The following SMAD2 variants were observed in gnomAD, a reference collection of about 807,000 sequenced individuals.
SMAD2 encodes the protein SMAD family member 2, also known as MAD homolog 2.
A neutral mutation model predicts 64.4 loss-of-function variants in SMAD2; 8 were observed. The ratio of observed to expected loss-of-function variants is 0.12; its 90% CI spans 0.07 to 0.22. The LOEUF (loss-of-function observed/expected upper bound fraction) is 0.22. SMAD2 is among the 10% of genes least tolerant of loss of function. SMAD2 has a pLI of 1.00. For synonymous variants in SMAD2, 203 were observed against 195.8 expected (o/e 1.04, Z -0.31); for missense variants, 289 against 561.2 (o/e 0.51, Z 4.90).
chr18:47,866,393 T>G (rs960167582), intron 5 of SMAD2, among the ~76,000 whole-genome samples: 1 of 147,262 alleles, frequency 6.8e-6, no homozygotes, highest in Non-Finnish European at 1.5e-5. Context: ...TTTTACAATA[T>G]CTATTCAATA....
chr18:47,877,813 A>G (rs1240022630), intron 2 of SMAD2, among the ~76,000 whole-genome samples: 1 of 152,166 alleles, frequency 6.6e-6, no homozygotes, highest in Non-Finnish European at 1.5e-5. Context: ...AATTTGAGAT[A>G]TTCCTGAATA....
intron 1 of SMAD2, among the ~76,000 whole-genome samples, chr18:47,913,172 C>T (rs2034207710): frequency 3.9e-5 from 6 of 152,172 alleles, no homozygotes; most frequent in Admixed American, 2.6e-4. Flanking sequence ...CCATCCGCCT[C>T]GGCCTCCCAA....
intron 1 of SMAD2, among the ~76,000 whole-genome samples, chr18:47,915,698 G>A (rs775262324): frequency 5.3e-5 from 8 of 152,142 alleles, no homozygotes; most frequent in Non-Finnish European, 7.4e-5. Flanking sequence ...GTCGCGAACC[G>A]TGAGTGGGCA....
intron 9 of SMAD2, 65 bp from the exon 10 acceptor site, chr18:47,845,549 G>T (rs1914412961): frequency 1.3e-6 from 2 of 1,579,628 alleles, no homozygotes; most frequent in African/African-American, 2.7e-5. Flanking sequence ...AATTTTAAAA[G>T]GGTTACAAGT....
intron 1 of SMAD2, among the ~76,000 whole-genome samples, chr18:47,915,823 C>T (rs907654982): frequency 1.3e-4 from 20 of 152,298 alleles, no homozygotes; most frequent in Admixed American, 2.0e-4. Flanking sequence ...AATCCACCTT[C>T]CCCCGTCAGG....
intron 2 of SMAD2, among the ~76,000 whole-genome samples, chr18:47,885,895 G>C (rs985166703): frequency 2.6e-5 from 4 of 152,246 alleles, no homozygotes; most frequent in Non-Finnish European, 5.9e-5. Flanking sequence ...CCAGGAAGCA[G>C]AGGTTGCAGT....
chr18:47,832,125 A>C lies in SMAD2; in HGVS notation c.*9702T>G, dbSNP rs529509378. The C allele has an allele frequency of 6.6e-6, 1 of 152,350 alleles. No homozygotes were observed. The highest frequency in any genetic ancestry group is 1.9e-4 in the East Asian group (1 of 5,192). 9.4% of individuals were successfully genotyped at this position (152,350 alleles called of 1,614,324 possible). A position where few individuals can be genotyped will look rare whatever the true frequency, so the allele number is the denominator to read the frequency against. On this transcript the variant is annotated 3_prime_UTR_variant, in exon 11 of 11. Transcript: ENST00000262160. ...TGAAGAGGGAAAAACAGAATATGCC[A>C]AGTGGGGAGACAGCCCAAACATAGA...
Position 47,829,953 on chromosome 18 carries a change from G to C in SMAD2, c.*11874C>G, listed in dbSNP as rs1402447496. ...AATTTGAATTTCCCTTTGCCTACAA[G>C]TCTAAGTAACTTGCAGCAGCAAATT... On this transcript the variant is annotated 3_prime_UTR_variant, in exon 11 of 11. Coordinates refer to ENST00000262160, the MANE Select transcript of SMAD2 (RefSeq NM_005901.6). 5.3e-5 allele frequency: 8 copies of C among 152,168 alleles called. No individual in the cohort carries two copies. In the South Asian group the frequency reaches 6.2e-4, roughly 12 times the overall value. The allele number at this position is 152,168 out of a possible 1,614,324, so 9.4% of individuals were successfully genotyped here. A position where few individuals can be genotyped will look rare whatever the true frequency, so the allele number is the denominator to read the frequency against.
At chr18:47,908,343 G>A (rs1278140694) in intron 1 of SMAD2, among the ~76,000 whole-genome samples, 2 of 152,034 alleles carry the variant, frequency 1.3e-5, no homozygotes, top group Non-Finnish European at 2.9e-5. Context: ...ATTGACCCGT[G>A]GACAACATGG....
chr18:47,852,394 T>C (rs1027566800), intron 6 of SMAD2, among the ~76,000 whole-genome samples: 7 of 152,186 alleles, frequency 4.6e-5, no homozygotes, highest in Non-Finnish European at 8.8e-5. Flanking sequence ...GTTTCTACCA[T>C]TTTCCCATTA....
intron 2 of SMAD2, among the ~76,000 whole-genome samples, chr18:47,879,590 C>G (rs1209026485): frequency 4.7e-5 from 7 of 149,736 alleles, no homozygotes; most frequent in African/African-American, 1.5e-4. Flanking sequence ...CTGATAGACA[C>G]CTGACCTGTT....
At chr18:47,845,511 T>C (rs2144288562) in intron 9 of SMAD2, 27 bp from the exon 10 acceptor site, 6 of 1,607,962 alleles carry the variant, frequency 3.7e-6, no homozygotes, top group Non-Finnish European at 5.1e-6. Flanking sequence ...TAAAAGAAAT[T>C]GTCAAAAGAG....
rs372259400 is a variant in SMAD2, at chr18:47,843,465, G to A, written c.1281-1515C>T. On this transcript the variant is annotated intron_variant, in intron 10 of 10. Coordinates refer to ENST00000262160, the MANE Select transcript of SMAD2 (RefSeq NM_005901.6). ...AGTAGGTTTAAGAAGGCTGCCACTC[G>A]ATTAAATACAAATTCTTCATACATC... Among the ~76,000 whole-genome samples, 183 of 152,234 alleles carry A rather than the reference G, an allele frequency of 1.2e-3. 1 individual carries two copies. The highest frequency in any genetic ancestry group is 4.1e-3 in the African/African-American group (171 of 41,542).
At chr18:47,860,041 G>A (rs1338157427) in intron 6 of SMAD2, among the ~76,000 whole-genome samples, 1 of 152,014 alleles carries the variant, frequency 6.6e-6, no homozygotes, top group Non-Finnish European at 1.5e-5. Flanking sequence ...AGGCTAAAGT[G>A]GGGAAGATTG....
intron 1 of SMAD2, among the ~76,000 whole-genome samples, chr18:47,904,641 T>C (rs1175976483): frequency 6.6e-6 from 1 of 152,052 alleles, no homozygotes; most frequent in African/African-American, 2.4e-5. Context: ...AACAAAATAT[T>C]AGCAAATCAC....
intron 10 of SMAD2, 36 bp downstream of exon 10, chr18:47,845,304 C>T (rs2144286845): frequency 1.9e-6 from 3 of 1,586,410 alleles, no homozygotes; most frequent in African/African-American, 1.3e-5. Context: ...CATAATTACA[C>T]TGTGGAAATT....
chr18:47,853,075 T>A (rs918723752), intron 6 of SMAD2, among the ~76,000 whole-genome samples: 1 of 152,152 alleles, frequency 6.6e-6, no homozygotes, highest in Non-Finnish European at 1.5e-5. Flanking sequence ...CTCATGCCTG[T>A]AATCCCAGCA....
chr18:47,913,089 T>G (rs183132278), intron 1 of SMAD2, among the ~76,000 whole-genome samples: 19 of 152,182 alleles, frequency 1.2e-4, no homozygotes, highest in African/African-American at 4.6e-4. Flanking sequence ...TCGGCTAATT[T>G]TTTGTGTTTT....
At chr18:47,847,700 CA>C (rs58794971) in intron 8 of SMAD2, among the ~76,000 whole-genome samples, 1,716 of 111,524 alleles carry the variant, frequency 0.015, 8 homozygotes, top group Non-Finnish European at 0.02. Flanking sequence ...ATTTCCAAAG[CA>C]AAAAAAAAAA....
Sources: allele counts gnomAD v4.1 joint callset (sites outside exome capture counted in the v4.1 genomes callset), GRCh38; gene constraint gnomAD v4.1.1; transcripts MANE v1.5; gene names NCBI Gene and HGNC (gene_info 2026-07-23, HGNC 2026-07-21).